MLLT3: variants seen among roughly 807,000 people sequenced by gnomAD.
MLLT3 encodes the protein protein AF-9.
In MLLT3, 4 loss-of-function variants were observed where a neutral mutation model predicts 53.2. That is an observed-to-expected ratio of 0.08 (90% CI 0.04 to 0.17). The LOEUF (loss-of-function observed/expected upper bound fraction) is 0.17, where lower values mean the gene tolerates loss of function less well. MLLT3 is among the 10% of genes least tolerant of loss of function. MLLT3 has a pLI of 1.00. For missense variants in MLLT3, 569 were observed against 684.0 expected (o/e 0.83, Z 1.87); for synonymous variants, 283 against 230.6 (o/e 1.23, Z -2.06).
intron 2 of MLLT3, among the ~76,000 whole-genome samples, chr9:20,521,600 C>T (rs971892810): frequency 1.3e-5 from 2 of 150,658 alleles, no homozygotes; most frequent in African/African-American, 4.9e-5. Flanking sequence ...TTCATTACCA[C>T]ATTACAGTAA....
At chr9:20,434,075 G>A (rs563140100) in intron 4 of MLLT3, among the ~76,000 whole-genome samples, 25 of 151,938 alleles carry the variant, frequency 1.6e-4, no homozygotes, top group Non-Finnish European at 3.2e-4. Flanking sequence ...GAGCCAAGAC[G>A]GTGCCACTGC....
chr9:20,552,471 C>G (rs1818947759), intron 2 of MLLT3, among the ~76,000 whole-genome samples: 1 of 152,114 alleles, frequency 6.6e-6, no homozygotes, highest in African/African-American at 2.4e-5. Context: ...GCACCACTAG[C>G]AGCTAGACTC....
chr9:20,429,098 C>T (rs1378306479), intron 4 of MLLT3, among the ~76,000 whole-genome samples: 1 of 152,138 alleles, frequency 6.6e-6, no homozygotes, highest in African/African-American at 2.4e-5. Flanking sequence ...TATGGTAGTT[C>T]ATGCCTGTAA....
intron 10 of MLLT3, among the ~76,000 whole-genome samples, chr9:20,348,376 G>T (rs1441176427): frequency 6.6e-6 from 1 of 152,198 alleles, no homozygotes; most frequent in African/African-American, 2.4e-5. Flanking sequence ...TTTCTGAAAA[G>T]GGTATGGACA....
chr9:20,514,032 C>T (rs780003570), intron 2 of MLLT3, among the ~76,000 whole-genome samples: 1 of 151,824 alleles, frequency 6.6e-6, no homozygotes, highest in Non-Finnish European at 1.5e-5. Flanking sequence ...TAGGGAAAGA[C>T]ACCAGTGGGT....
chr9:20,453,053 A>T (rs1823875389), intron 3 of MLLT3, among the ~76,000 whole-genome samples: 1 of 152,212 alleles, frequency 6.6e-6, no homozygotes, highest in Non-Finnish European at 1.5e-5. Flanking sequence ...AAAATAAAGA[A>T]ACAAATATAC....
intron 2 of MLLT3, among the ~76,000 whole-genome samples, chr9:20,520,731 A>G (rs1229673119): frequency 1.3e-5 from 2 of 152,210 alleles, no homozygotes; most frequent in South Asian, 2.1e-4. Flanking sequence ...AAGTTAGCCA[A>G]TCCTAAGAAA....
intron 2 of MLLT3, among the ~76,000 whole-genome samples, chr9:20,539,399 T>C (rs903140451): frequency 1.3e-5 from 2 of 152,234 alleles, no homozygotes; most frequent in African/African-American, 4.8e-5. Flanking sequence ...GAATGGGTAA[T>C]TTATAAATAA....
chr9:20,499,125 T>A (rs1825155014), intron 2 of MLLT3, among the ~76,000 whole-genome samples: 1 of 152,224 alleles, frequency 6.6e-6, no homozygotes, highest in African/African-American at 2.4e-5. Context: ...TCTGTCTCCA[T>A]CTTCCCATGG....
At chr9:20,538,433 T>C (rs1004247169) in intron 2 of MLLT3, among the ~76,000 whole-genome samples, 95 of 152,222 alleles carry the variant, frequency 6.2e-4, no homozygotes, top group African/African-American at 2.1e-3. Flanking sequence ...TTCTAGAGCA[T>C]GCCATATTAA....
chr9:20,462,290 T>G (rs1824129470), intron 2 of MLLT3, among the ~76,000 whole-genome samples: 1 of 152,202 alleles, frequency 6.6e-6, no homozygotes, highest in African/African-American at 2.4e-5. Flanking sequence ...TTTTAAAAAG[T>G]TTTCCCTCTT....
chr9:20,524,258 G>C (rs978303027), intron 2 of MLLT3, among the ~76,000 whole-genome samples: 1 of 151,744 alleles, frequency 6.6e-6, no homozygotes, highest in African/African-American at 2.4e-5. Context: ...CCTTCTGCTT[G>C]GCTTTGCTGT....
chr9:20,414,855 A>T (rs1356915180), intron 4 of MLLT3, among the ~76,000 whole-genome samples: 2 of 152,236 alleles, frequency 1.3e-5, no homozygotes, highest in Non-Finnish European at 2.9e-5. Context: ...ATAATTCAAA[A>T]ATTCATAAAG....
chr9:20,558,214 A>G (rs1292180839), intron 2 of MLLT3, among the ~76,000 whole-genome samples: 2 of 152,240 alleles, frequency 1.3e-5, no homozygotes, highest in Non-Finnish European at 2.9e-5. Flanking sequence ...TCATATCTTC[A>G]GGAAAGAATG....
chr9:20,520,387 A>G (rs767172700), intron 2 of MLLT3, among the ~76,000 whole-genome samples: 2 of 152,154 alleles, frequency 1.3e-5, no homozygotes, highest in Non-Finnish European at 2.9e-5. Context: ...CTGAGTCTCA[A>G]TTGGAATAAA....
chr9:20,602,161 A>C (rs912142487), intron 2 of MLLT3, among the ~76,000 whole-genome samples: 11 of 152,192 alleles, frequency 7.2e-5, no homozygotes, highest in African/African-American at 2.7e-4. Flanking sequence ...GATATGAATC[A>C]ATGAGAACTT....
intron 2 of MLLT3, among the ~76,000 whole-genome samples, chr9:20,543,666 G>C (rs1374236438): frequency 2.0e-5 from 3 of 151,802 alleles, no homozygotes; most frequent in Non-Finnish European, 1.5e-5. Flanking sequence ...GGAAAAGAAG[G>C]AGGAGAAGGA....
At chr9:20,463,234 T>C (rs1824154804) in intron 2 of MLLT3, among the ~76,000 whole-genome samples, 1 of 152,036 alleles carries the variant, frequency 6.6e-6, no homozygotes, top group African/African-American at 2.4e-5. Context: ...TAACTTGGAA[T>C]GTTTACTTAT....
chr9:20,360,237 G>A (rs577567865), intron 8 of MLLT3, among the ~76,000 whole-genome samples: 1 of 152,306 alleles, frequency 6.6e-6, no homozygotes, highest in South Asian at 2.1e-4. Flanking sequence ...AGGAGGGGCT[G>A]TGCACTGCCT....
Sources: gnomAD v4.1 joint callset for allele counts (sites outside exome capture counted in the v4.1 genomes callset) on GRCh38, gnomAD v4.1.1 for gene constraint, MANE v1.5 for transcripts, NCBI Gene and HGNC (gene_info 2026-07-23, HGNC 2026-07-21) for gene names.